Variants in VAV2 observed in about 807,000 individuals in gnomAD.
The protein encoded by VAV2 is vav guanine nucleotide exchange factor 2, also known as guanine nucleotide exchange factor VAV2.
Under a neutral mutation model 132.5 loss-of-function variants are expected in VAV2, and 67 were observed. The observed-to-expected ratio is 0.51, with a 90% CI of 0.42 to 0.62. The LOEUF (loss-of-function observed/expected upper bound fraction) is 0.62, where lower values mean the gene tolerates loss of function less well. VAV2 is among the 20% of genes least tolerant of loss of function. The pLI, the probability that VAV2 is intolerant of heterozygous loss-of-function variation, is 0.00. For missense variants in VAV2, 938 were observed against 1,153.6 expected (o/e 0.81, Z 2.71); for synonymous variants, 492 against 443.5 (o/e 1.11, Z -1.37).
intron 1 of VAV2, among the ~76,000 whole-genome samples, chr9:133,970,803 G>A (rs575948157): frequency 2.6e-5 from 4 of 152,280 alleles, no homozygotes; most frequent in East Asian, 3.9e-4. Context: ...TGAACTAGCA[G>A]GCCACTCCTC....
At chr9:133,900,042 A>G (rs1839379524) in intron 2 of VAV2, among the ~76,000 whole-genome samples, 1 of 150,240 alleles carries the variant, frequency 6.7e-6, no homozygotes, top group Admixed American at 6.6e-5. Flanking sequence ...ATAAATAAAT[A>G]AATAAAAATA....
intron 3 of VAV2, among the ~76,000 whole-genome samples, chr9:133,853,340 G>C (rs565582648): frequency 6.6e-6 from 1 of 152,288 alleles, no homozygotes; most frequent in East Asian, 1.9e-4. Flanking sequence ...AGGGTGGAAG[G>C]CTTGGTACAG....
chr9:133,790,499 G>A (rs1173734032), intron 13 of VAV2, among the ~76,000 whole-genome samples: 6 of 152,134 alleles, frequency 3.9e-5, no homozygotes, highest in African/African-American at 1.4e-4. Context: ...TAATGAACAA[G>A]TATTACTTCT....
At position 133,768,392 on chromosome 9, in the gene VAV2, T is replaced by C; in HGVS notation, c.2589+50A>G. 1 of 1,592,884 alleles carries C rather than the reference T, an allele frequency of 6.3e-7. No homozygotes were observed. ...GCTAGTCTGCCTGAGCCCGACCAGGTAGGGGCTGCAGCGAGGCCAGCCCCA... is the reference window on the plus strand; with the variant it reads ...GCTAGTCTGCCTGAGCCCGACCAGGCAGGGGCTGCAGCGAGGCCAGCCCCA... On this transcript the variant is annotated intron_variant, in intron 29 of 29. Transcript: ENST00000371850. This position sits in a 1 kb window ranked among gnomAD's most constrained non-coding sequence, Gnocchi z 5.3.
At chr9:133,964,058 TAC>T (rs34852534) in intron 1 of VAV2, among the ~76,000 whole-genome samples, 7,244 of 133,260 alleles carry the variant, frequency 0.054, 489 homozygotes, top group Non-Finnish European at 0.064. Context: ...TACATATATA[TAC>T]ATATATATAA....
intron 1 of VAV2, among the ~76,000 whole-genome samples, chr9:133,955,126 T>C (rs1227743606): frequency 6.6e-6 from 1 of 151,804 alleles, no homozygotes; most frequent in Non-Finnish European, 1.5e-5. Flanking sequence ...GCCTCCAGGC[T>C]CGGCCAAGGG....
At chr9:133,898,153 C>A (rs2132000532) in intron 2 of VAV2, among the ~76,000 whole-genome samples, 1 of 152,260 alleles carries the variant, frequency 6.6e-6, no homozygotes, top group Non-Finnish European at 1.5e-5. Context: ...ATGGGCCTGC[C>A]CCGGGCTGCA....
chr9:133,825,941 A>T (rs1835972082), intron 4 of VAV2, among the ~76,000 whole-genome samples: 2 of 152,234 alleles, frequency 1.3e-5, no homozygotes, highest in South Asian at 4.1e-4. Flanking sequence ...TGATGCTAAC[A>T]TGACACATTT....
At chr9:133,827,244 A>ATGGG (rs1836037053) in intron 4 of VAV2, among the ~76,000 whole-genome samples, 1 of 47,584 alleles carries the variant, frequency 2.1e-5, no homozygotes, top group East Asian at 1.3e-3. Flanking sequence ...GGGGCTGACC[A>ATGGG]CTGAGCGGGG....
chr9:133,783,751 C>G (rs779464354), intron 18 of VAV2, among the ~76,000 whole-genome samples, 160 bp from the exon 19 acceptor site: 1 of 152,016 alleles, frequency 6.6e-6, no homozygotes, highest in Non-Finnish European at 1.5e-5. Flanking sequence ...CCTCCCTTAC[C>G]AGGCAGCCTG....
intron 4 of VAV2, among the ~76,000 whole-genome samples, chr9:133,822,005 CCCGAGCACGG>C (rs1344375602): frequency 6.6e-6 from 1 of 152,180 alleles, no homozygotes; most frequent in African/African-American, 2.4e-5. Context: ...CAGGAGGGGC[CCCGAGCACGG>C]CTGTAGCTCT....
chr9:133,972,365 C>T (rs574201859), intron 1 of VAV2, among the ~76,000 whole-genome samples: 7 of 152,340 alleles, frequency 4.6e-5, no homozygotes, highest in East Asian at 3.9e-4. Flanking sequence ...GCAGCCCAGG[C>T]GCTGCGATGC....
At chr9:133,952,861 T>C (rs2319057) in intron 1 of VAV2, among the ~76,000 whole-genome samples, 3,057 of 79,150 alleles carry the variant, frequency 0.039, 76 homozygotes, top group East Asian at 0.07. Flanking sequence ...GGAGGGAGCA[T>C]GGCCCCCGGG....
intron 1 of VAV2, among the ~76,000 whole-genome samples, chr9:133,984,391 A>C (rs1842788564): frequency 6.6e-6 from 1 of 152,236 alleles, no homozygotes; most frequent in Non-Finnish European, 1.5e-5. Context: ...AGACATGAGG[A>C]TCACGTGAGC....
At chr9:133,881,546 C>G (rs1281152335) in intron 2 of VAV2, among the ~76,000 whole-genome samples, 2 of 152,154 alleles carry the variant, frequency 1.3e-5, no homozygotes, top group Admixed American at 1.3e-4. Context: ...ACGAGGAACA[C>G]AGTCCACAGC....
At chr9:133,858,704 C>A (rs1389564166) in intron 3 of VAV2, among the ~76,000 whole-genome samples, 1 of 152,180 alleles carries the variant, frequency 6.6e-6, no homozygotes, top group African/African-American at 2.4e-5. Flanking sequence ...CAGTGTTTAT[C>A]CTCATCTTGC....
At chr9:133,953,122 C>T (rs1841624089) in intron 1 of VAV2, among the ~76,000 whole-genome samples, 1 of 152,178 alleles carries the variant, frequency 6.6e-6, no homozygotes, top group Non-Finnish European at 1.5e-5. Flanking sequence ...TCTAGAACCT[C>T]CAGAGGCAGC....
intron 12 of VAV2, among the ~76,000 whole-genome samples, chr9:133,792,853 G>A (rs538490873): frequency 3.9e-5 from 6 of 152,056 alleles, no homozygotes; most frequent in East Asian, 1.9e-4. Flanking sequence ...GCCACACCTC[G>A]TCAGTGATGA....
At chr9:133,785,982 G>T in intron 16 of VAV2, 97 bp from the exon 17 acceptor site, 3 of 1,081,048 alleles carry the variant, frequency 2.8e-6, no homozygotes, top group Non-Finnish European at 4.1e-6. Context: ...ATGTGCACGT[G>T]TGTATATGCA....
Sources: allele counts gnomAD v4.1 joint callset (sites outside exome capture counted in the v4.1 genomes callset), GRCh38; gene constraint gnomAD v4.1.1; non-coding constraint Gnocchi (gnomAD v3.1); transcripts MANE v1.5; gene names NCBI Gene and HGNC (gene_info 2026-07-23, HGNC 2026-07-21).